The following NLGN1 variants were observed in gnomAD, a reference collection of about 807,000 sequenced individuals.
NLGN1 encodes the protein neuroligin-1.
In NLGN1, 12 loss-of-function variants were observed where a neutral mutation model predicts 65.5. That is an observed-to-expected ratio of 0.18 (90% confidence interval 0.12 to 0.30). NLGN1 has a LOEUF of 0.30. Ranked by LOEUF, NLGN1 falls within the 10% of genes least tolerant of loss-of-function variation. The pLI, the probability that NLGN1 is intolerant of heterozygous loss-of-function variation, is 1.00. For synonymous variants in NLGN1, 350 were observed against 359.5 expected, an observed-to-expected ratio of 0.97 and a Z score of 0.30; for missense variants, 750 against 1,007.1, an observed-to-expected ratio of 0.74 and a Z score of 3.46.
At chr3:173,966,463 A>G (rs1396568697) in intron 4 of NLGN1, among the ~76,000 whole-genome samples, 1 of 152,258 alleles carries the variant, frequency 6.6e-6, no homozygotes, top group Non-Finnish European at 1.5e-5. Context: ...ATTGAACAAT[A>G]AACTAAGAAA....
intron 4 of NLGN1, among the ~76,000 whole-genome samples, chr3:173,813,974 A>G (rs1448392989): frequency 6.6e-6 from 1 of 152,240 alleles, no homozygotes; most frequent in Non-Finnish European, 1.5e-5. Context: ...ATTTATAGTA[A>G]CCTTCTGTAA....
At chr3:173,630,985 C>T (rs545920330) in intron 3 of NLGN1, among the ~76,000 whole-genome samples, 2 of 152,042 alleles carry the variant, frequency 1.3e-5, no homozygotes, top group Non-Finnish European at 2.9e-5. Context: ...AAGAAAGTCC[C>T]AAGAAGAGAG....
chr3:173,656,349 G>C (rs1019096804), intron 3 of NLGN1, among the ~76,000 whole-genome samples: 3 of 151,954 alleles, frequency 2.0e-5, no homozygotes, highest in Non-Finnish European at 4.4e-5. Context: ...TCTTTTCCTT[G>C]TCCTGAATTC....
chr3:173,610,276 A>G (rs568452107), intron 3 of NLGN1, among the ~76,000 whole-genome samples: 1 of 152,034 alleles, frequency 6.6e-6, no homozygotes. Flanking sequence ...TAGATTTGCC[A>G]TCAATTAAGA....
chr3:173,709,529 C>T (rs1165195678), intron 3 of NLGN1, among the ~76,000 whole-genome samples: 1 of 152,070 alleles, frequency 6.6e-6, no homozygotes, highest in African/African-American at 2.4e-5. Flanking sequence ...CAGCCGGGCA[C>T]AGTGGCTCAC....
At chr3:173,514,126 T>G (rs767047413) in intron 2 of NLGN1, among the ~76,000 whole-genome samples, 2 of 152,238 alleles carry the variant, frequency 1.3e-5, no homozygotes, top group Non-Finnish European at 2.9e-5. Flanking sequence ...ATAAGTCTGA[T>G]GTATTCTGAA....
chr3:173,463,926 A>C (rs1224538620), intron 2 of NLGN1, among the ~76,000 whole-genome samples: 2 of 151,984 alleles, frequency 1.3e-5, no homozygotes, highest in Non-Finnish European at 2.9e-5. Context: ...TTAAAGATAA[A>C]TTGATACATA....
chr3:173,431,300 C>CT (rs1031224764), intron 1 of NLGN1, among the ~76,000 whole-genome samples: 20 of 152,054 alleles, frequency 1.3e-4, no homozygotes, highest in African/African-American at 4.8e-4. Context: ...ATTGTGTTTC[C>CT]TTTTTTTGGT....
chr3:173,401,100 G>A (rs867331660), intron 1 of NLGN1, among the ~76,000 whole-genome samples: 50 of 152,162 alleles, frequency 3.3e-4, no homozygotes, highest in Admixed American at 3.2e-3. Flanking sequence ...GGGTTTCTCA[G>A]CTTTGACACT....
At chr3:173,988,628 T>C (rs1376458647) in intron 4 of NLGN1, among the ~76,000 whole-genome samples, 1 of 152,196 alleles carries the variant, frequency 6.6e-6, no homozygotes, top group Admixed American at 6.5e-5. Flanking sequence ...TTATTAATAA[T>C]GCCTCCTGAA....
chr3:174,081,010 G>A (rs891953196), intron 4 of NLGN1, among the ~76,000 whole-genome samples: 1 of 151,194 alleles, frequency 6.6e-6, no homozygotes, highest in African/African-American at 2.4e-5. Flanking sequence ...GCTACCTACT[G>A]TAATAGTTCT....
At chr3:174,130,824 TA>T (rs1720034687) in intron 4 of NLGN1, among the ~76,000 whole-genome samples, 1 of 152,144 alleles carries the variant, frequency 6.6e-6, no homozygotes, top group Admixed American at 6.5e-5. Context: ...ATTTGATTTT[TA>T]TACTGAAAGT....
chr3:173,847,693 A>C (rs1231228574), intron 4 of NLGN1, among the ~76,000 whole-genome samples: 1 of 152,072 alleles, frequency 6.6e-6, no homozygotes, highest in East Asian at 1.9e-4. Context: ...CCAACATGGC[A>C]AAACCCTGTC....
intron 3 of NLGN1, among the ~76,000 whole-genome samples, chr3:173,658,048 T>C (rs1306213217): frequency 2.0e-5 from 3 of 151,866 alleles, no homozygotes; most frequent in African/African-American, 7.3e-5. Context: ...ACATAGGTAA[T>C]TAAAGAACTA....
intron 1 of NLGN1, among the ~76,000 whole-genome samples, chr3:173,418,975 T>A (rs1234994236): frequency 6.6e-6 from 1 of 150,956 alleles, no homozygotes. Flanking sequence ...ATGATGATTT[T>A]TTTTTTTTGC....
At chr3:173,735,292 G>C (rs766541289) in intron 3 of NLGN1, among the ~76,000 whole-genome samples, 6 of 152,076 alleles carry the variant, frequency 3.9e-5, no homozygotes, top group Non-Finnish European at 7.4e-5. Flanking sequence ...GTTTTAATAC[G>C]TGGGAGTTTA....
At chr3:173,664,072 A>C (rs991982545) in intron 3 of NLGN1, among the ~76,000 whole-genome samples, 5 of 152,066 alleles carry the variant, frequency 3.3e-5, no homozygotes, top group African/African-American at 1.2e-4. Context: ...TTCTGTGCCA[A>C]AACAATATGA....
At chr3:174,189,978 G>T (rs948193668) in intron 4 of NLGN1, among the ~76,000 whole-genome samples, 4 of 152,038 alleles carry the variant, frequency 2.6e-5, no homozygotes, top group African/African-American at 9.7e-5. Context: ...TTATTAGGCT[G>T]GGAGGGAAGC....
intron 3 of NLGN1, among the ~76,000 whole-genome samples, chr3:173,636,910 TG>T (rs1298474991): frequency 2.0e-5 from 3 of 152,046 alleles, no homozygotes; most frequent in African/African-American, 7.2e-5. Context: ...GAAAAGACAA[TG>T]GGGTATCTCC....
Sources: gnomAD v4.1 joint callset for allele counts (sites outside exome capture counted in the v4.1 genomes callset) on GRCh38, gnomAD v4.1.1 for gene constraint, MANE v1.5 for transcripts, NCBI Gene and HGNC (gene_info 2026-07-23, HGNC 2026-07-21) for gene names.